Variants in PIAS4 observed in about 807,000 individuals in gnomAD.
The protein encoded by PIAS4 is E3 SUMO-protein ligase PIAS4.
Under a neutral mutation model 58.0 loss-of-function variants are expected in PIAS4, and 7 were observed. That is an observed-to-expected ratio of 0.12 (90% confidence interval 0.07 to 0.23). The LOEUF is 0.23. PIAS4 is among the 10% of genes least tolerant of loss of function. The pLI, the probability that PIAS4 is intolerant of heterozygous loss-of-function variation, is 1.00. For missense variants in PIAS4, 550 were observed against 709.5 expected (o/e 0.78, Z 2.55); for synonymous variants, 364 against 312.4 (o/e 1.17, Z -1.74).
rs571599500 is a variant in PIAS4 at position 4,024,205 on chromosome 19, G to T, written c.539+85G>T. On this transcript the variant is annotated intron_variant, in intron 3 of 10. Transcript: ENST00000262971. ...CTCACTGGGGAGAGCCGGCAGCCAC[G>T]TCCACTGCAGGCCTCGCTCGGGCTC... 3 of 885,946 alleles carry T rather than the reference G, an allele frequency of 3.4e-6. No individual in the cohort carries two copies. In the African/African-American group the frequency reaches 5.1e-5, roughly 15 times the overall value. The allele number at this position is 885,946 out of a possible 1,614,324, so 54.9% of individuals were successfully genotyped here.
Position 4,024,115 on chromosome 19 carries a change from C to T in PIAS4, c.534C>T (p.Asn178=), listed in dbSNP as rs2040138641. Residue 178 remains asparagine (N), a synonymous_variant, in exon 3 of 11, where the codon AAC becomes AAT. Transcript: ENST00000262971. ...LTPRQVELIR[N]SRELQPGVKA... ...CAAGACAGGTGGAGTTGATCCGGAA[C>T]TCCAGGTGTGCGGCACCTCCCCCAG... The T allele has an allele frequency of 6.2e-7, 1 of 1,611,970 alleles. No individual in the cohort carries two copies. The highest frequency in any genetic ancestry group is 1.1e-5 in the South Asian group (1 of 91,044).
rs1246135441 is a variant in PIAS4 at position 4,013,738 on chromosome 19, C to T, written c.454+389C>T. Among the ~76,000 whole-genome samples the T allele has an allele frequency of 6.6e-6, 1 of 152,188 alleles. No individual in the cohort carries two copies. The highest frequency in any genetic ancestry group is 1.5e-5 in the Non-Finnish European group (1 of 68,022). On this transcript the variant is annotated intron_variant, in intron 2 of 10. Coordinates refer to ENST00000262971, the MANE Select transcript of PIAS4 (RefSeq NM_015897.4). This position sits in a 1 kb window ranked among gnomAD's most constrained non-coding sequence, Gnocchi z 5.1. ...TGTGGTGGCTGGCAGGCCTCAGCTC[C>T]TCGCCAGCTCTTGGCCACAGTCCCC...
intron 1 of PIAS4, 83 bp downstream of exon 1, chr19:4,007,870 G>C (rs2039957996): frequency 4.6e-6 from 5 of 1,086,246 alleles, no homozygotes; most frequent in Admixed American, 4.5e-5. Flanking sequence ...TGCGCCTTCT[G>C]TCCGGGGCCC....
chr19:4,031,609 T>A (rs2040223053), intron 7 of PIAS4, among the ~76,000 whole-genome samples: 2 of 152,064 alleles, frequency 1.3e-5, no homozygotes, highest in Admixed American at 1.3e-4. Context: ...GCAGGCCTCT[T>A]CTAGGCCCAC....
chr19:4,007,989 A>C, intron 1 of PIAS4, among the ~76,000 whole-genome samples: 1 of 150,758 alleles, frequency 6.6e-6, no homozygotes, highest in African/African-American at 2.4e-5. Flanking sequence ...CTCCTGCCTC[A>C]CCCAGGTCTT....
intron 7 of PIAS4, among the ~76,000 whole-genome samples, chr19:4,030,978 C>T (rs1385023060): frequency 6.6e-6 from 1 of 152,190 alleles, no homozygotes. Context: ...GGTTCTGGGC[C>T]AGCCGGGTTT....
chr19:4,015,123 A>G lies in PIAS4; in HGVS notation c.454+1774A>G, dbSNP rs557402256. On this transcript the variant is annotated intron_variant, in intron 2 of 10. Transcript: ENST00000262971. ...GACTCAGGGTCTTGGCCTGAGTTCC[A>G]TCGGACTGACTTTCCCAGCCTTTGC... 6.6e-5 allele frequency among the ~76,000 whole-genome samples: 10 copies of G among 152,312 alleles called. No homozygotes were observed. In the East Asian group the frequency reaches 1.9e-3, roughly 29 times the overall value.
chr19:4,007,847 G>A, intron 1 of PIAS4, 60 bp downstream of exon 1: 2 of 1,168,156 alleles, frequency 1.7e-6, no homozygotes, highest in South Asian at 4.3e-5. Context: ...GGGCCGGGCC[G>A]CAGGTCGAGG....
intron 3 of PIAS4, among the ~76,000 whole-genome samples, chr19:4,027,815 G>A (rs1568217807): frequency 6.6e-6 from 1 of 152,108 alleles, no homozygotes; most frequent in African/African-American, 2.4e-5. Flanking sequence ...CTCCCAAACT[G>A]GGTGTTTTCT....
chr19:4,007,793 T>C lies in PIAS4; in HGVS notation c.27+6T>C. Reference sequence around the variant, plus strand: ...CGGAGCTGGTGGAGGCCAAAGTGAGTGAGCGGTGGCGGCGCCGGCCGGGGC... The same window carrying C: ...CGGAGCTGGTGGAGGCCAAAGTGAGCGAGCGGTGGCGGCGCCGGCCGGGGC... On this transcript the variant is annotated splice_donor_region_variant and intron_variant, in intron 1 of 10. Transcript: ENST00000262971. 8.2e-7 allele frequency: 1 copy of C among 1,212,566 alleles called. No individual in the cohort carries two copies. Among genetic ancestry groups the C allele is most frequent in the Non-Finnish European group, 1.0e-6 (1 of 969,936 alleles). The allele number at this position is 1,212,566 out of a possible 1,614,324, so 75.1% of individuals were successfully genotyped here. A position where few individuals can be genotyped will look rare whatever the true frequency, so the allele number is the denominator to read the frequency against.
At chr19:4,032,775 C>T (rs2040234312) in intron 7 of PIAS4, among the ~76,000 whole-genome samples, 1 of 152,216 alleles carries the variant, frequency 6.6e-6, no homozygotes, top group Admixed American at 6.5e-5. Context: ...AGCAATGACT[C>T]TTTCGGTGGC....
intron 3 of PIAS4, among the ~76,000 whole-genome samples, chr19:4,027,465 C>T (rs1446494832): frequency 6.6e-6 from 1 of 151,840 alleles, no homozygotes; most frequent in Non-Finnish European, 1.5e-5. Flanking sequence ...GTGGTCAGTT[C>T]TGCTGTGAAC....
rs372130661 is a variant in PIAS4, at chr19:4,012,119, G to T, written c.28-804G>T. Among the ~76,000 whole-genome samples the T allele has an allele frequency of 2.6e-4, 40 of 151,838 alleles. 6 individuals are homozygous for T. Among genetic ancestry groups the T allele is most frequent in the African/African-American group, 9.4e-4 (39 of 41,326 alleles). On this transcript the variant is annotated intron_variant, in intron 1 of 10. Coordinates refer to ENST00000262971, the MANE Select transcript of PIAS4 (RefSeq NM_015897.4). ...CTGTGGGTATTTAGCACCACACAGA[G>T]CCCAGGATGGCCCCAGTGTCCACAG...
intron 7 of PIAS4, among the ~76,000 whole-genome samples, chr19:4,031,032 C>T (rs184601348): frequency 4.6e-5 from 7 of 152,290 alleles, no homozygotes; most frequent in Non-Finnish European, 8.8e-5. Context: ...CAGGTGGAAT[C>T]TGGGCACCAC....
intron 1 of PIAS4, among the ~76,000 whole-genome samples, chr19:4,008,992 C>A (rs2039968808): frequency 6.6e-6 from 1 of 152,174 alleles, no homozygotes; most frequent in African/African-American, 2.4e-5. Context: ...AGCTTGGAAC[C>A]ACTTTTAATC....
intron 7 of PIAS4, among the ~76,000 whole-genome samples, chr19:4,031,971 GA>G (rs769353159): frequency 5.7e-4 from 87 of 152,174 alleles, no homozygotes; most frequent in Non-Finnish European, 1.1e-3. Context: ...GCTGAGGAGT[GA>G]GCGGCTGGGG....
rs866706891 is a variant in PIAS4 at position 4,036,494 on chromosome 19, C to T, written c.1143-880C>T. ...CGTCACACATCCATACAGTCCACACCGTCATACAAACACACACACATCTAT... is the reference window on the plus strand; with the variant it reads ...CGTCACACATCCATACAGTCCACACTGTCATACAAACACACACACATCTAT... On this transcript the variant is annotated intron_variant, in intron 9 of 10. Coordinates refer to ENST00000262971, the MANE Select transcript of PIAS4 (RefSeq NM_015897.4). 6.6e-5 allele frequency among the ~76,000 whole-genome samples: 9 copies of T among 136,382 alleles called. No homozygotes were observed. In the East Asian group the frequency reaches 1.3e-3, roughly 19 times the overall value. The allele number at this position is 136,382 out of a possible 152,430, so 89.5% of individuals were successfully genotyped here.
In PIAS4 at chr19:4,023,271, G is replaced by A. The variant is rs773509606; in HGVS notation, c.455-765G>A. Among the ~76,000 whole-genome samples the A allele has an allele frequency of 2.0e-5, 3 of 151,538 alleles. No homozygotes were observed. The South Asian group carries it at 6.2e-4, about 31-fold the overall frequency. The stretch of plus-strand genomic sequence containing the variant: ...AGATGGGCGGATCACCTGAGGTCAC[G>A]AGTTCGAAACCAGCCTGGCCAACAT... On this transcript the variant is annotated intron_variant, in intron 2 of 10. Coordinates refer to ENST00000262971, the MANE Select transcript of PIAS4 (RefSeq NM_015897.4).
chr19:4,026,624 C>T (rs1197118585), intron 3 of PIAS4, among the ~76,000 whole-genome samples: 1 of 152,104 alleles, frequency 6.6e-6, no homozygotes, highest in African/African-American at 2.4e-5. Flanking sequence ...CCCCTCCTGT[C>T]TGTAAATGGG....
Sources: allele counts gnomAD v4.1 joint callset (sites outside exome capture counted in the v4.1 genomes callset), GRCh38; gene constraint gnomAD v4.1.1; non-coding constraint Gnocchi (gnomAD v3.1); transcripts MANE v1.5; gene names NCBI Gene and HGNC (gene_info 2026-07-23, HGNC 2026-07-21).